Variants in CYP24A1 observed in about 807,000 individuals in gnomAD.
CYP24A1 encodes the protein 1,25-dihydroxyvitamin D(3) 24-hydroxylase, mitochondrial.
CYP24A1 carries 68 observed loss-of-function variants against 62.4 expected under a neutral mutation model. That is an observed-to-expected ratio of 1.09 (90% confidence interval 0.90 to 1.33). CYP24A1 has a LOEUF of 1.33. Among genes scored for constraint, CYP24A1 ranks in the 40% most tolerant of loss-of-function variants. CYP24A1 has a pLI of 0.00. For synonymous variants in CYP24A1, 267 were observed against 253.0 expected (o/e 1.06, Z -0.52); for missense variants, 787 against 653.0 (o/e 1.21, Z -2.24).
In CYP24A1 at chr20:54,159,932, G is replaced by T. The variant is rs186362554; in HGVS notation, c.991-809C>A. ...CAAAATAAACATTTAATTAAAAGTT[G>T]CTTGATATAAAAAACATTCATATAA... is the stretch of plus-strand genomic sequence containing the variant. On this transcript the variant is annotated intron_variant, in intron 7 of 11. Coordinates refer to ENST00000216862, the MANE Select transcript of CYP24A1 (RefSeq NM_000782.5). Among the ~76,000 whole-genome samples the T allele has an allele frequency of 2.0e-3, 304 of 152,286 alleles. 1 individual carries two copies. Among genetic ancestry groups the T allele is most frequent in the Non-Finnish European group, 3.4e-3 (228 of 68,024 alleles).
At chr20:54,162,907 G>A in intron 6 of CYP24A1, 45 bp from the exon 7 acceptor site, 2 of 1,239,736 alleles carry the variant, frequency 1.6e-6, no homozygotes, top group Admixed American at 1.7e-5. Context: ...TGAAAATTGG[G>A]ATGAGGAAAA....
chr20:54,161,994 C>T (rs1157080551), intron 7 of CYP24A1, among the ~76,000 whole-genome samples: 7 of 152,180 alleles, frequency 4.6e-5, no homozygotes, highest in Admixed American at 3.9e-4. Context: ...GAACTAGTAT[C>T]CAAGTCAATT....
At chr20:54,169,524 A>C in intron 4 of CYP24A1, 68 bp downstream of exon 4, 1 of 1,611,078 alleles carries the variant, frequency 6.2e-7, no homozygotes, top group Non-Finnish European at 8.5e-7. Flanking sequence ...AAGAGTTGTC[A>C]AAAGAGCCAT....
intron 2 of CYP24A1, chr20:54,171,996 G>A (rs969854491): frequency 2.8e-5 from 11 of 397,114 alleles, no homozygotes; most frequent in Non-Finnish European, 3.8e-5. Flanking sequence ...AATTCCTAGC[G>A]GTAAAAGGGG....
At chr20:54,158,008 C>T in intron 9 of CYP24A1, 78 bp downstream of exon 9, 2 of 1,592,814 alleles carry the variant, frequency 1.3e-6, no homozygotes, top group Non-Finnish European at 1.7e-6. Context: ...AGTACAAAGT[C>T]TAGGGAGATC....
At chr20:54,172,231 G>A (rs1369663125) in intron 2 of CYP24A1, among the ~76,000 whole-genome samples, 1 of 152,310 alleles carries the variant, frequency 6.6e-6, no homozygotes, top group African/African-American at 2.4e-5. Flanking sequence ...CATACAGCCT[G>A]TGAAGCACCG....
downstream of CYP24A1, among the ~76,000 whole-genome samples, chr20:54,149,691 A>G (rs1328941924): frequency 6.6e-6 from 1 of 152,174 alleles, no homozygotes; most frequent in African/African-American, 2.4e-5. Flanking sequence ...GTTGCATTAT[A>G]TGCACACTTA....
the CYP24A1 span, among the ~76,000 whole-genome samples, chr20:54,148,361 G>GACACGCAGAC: frequency 2.9e-5 from 2 of 70,114 alleles, no homozygotes; most frequent in Admixed American, 1.7e-4. Flanking sequence ...TACATACACA[G>GACACGCAGAC]ACACACAGAC....
In CYP24A1 at chr20:54,173,517, CG is replaced by C. The variant is rs774432244; in HGVS notation, c.62del (p.Pro21ArgfsTer8). On this transcript the variant is annotated frameshift_variant, in exon 1 of 12. Transcript: ENST00000216862. LOFTEE classifies it high-confidence loss of function. This position sits in a 1 kb window ranked among gnomAD's most constrained non-coding sequence, Gnocchi z 7.2. ...LAAFLQQLRSPRQPPRLVTST... is the reference protein window; with the variant it reads ...LAAFLQQLRSXRQPPRLVTST... ...ATGTCACCAGTCTCGGGGGCTGCCT[CG>C]GACTGCGCAGCTGCTGCAGGAAGGC... 146 of 1,571,168 alleles carry C rather than the reference CG, an allele frequency of 9.3e-5. No homozygotes were observed. The highest frequency in any genetic ancestry group is 1.2e-4 in the Non-Finnish European group (143 of 1,159,496).
At chr20:54,165,909 A>G in intron 4 of CYP24A1, 76 bp from the exon 5 acceptor site, 2 of 870,584 alleles carry the variant, frequency 2.3e-6, no homozygotes, top group South Asian at 2.6e-5. Flanking sequence ...TGGTTATTAA[A>G]GACTCAATTC....
intron 4 of CYP24A1, among the ~76,000 whole-genome samples, chr20:54,168,061 G>T (rs1263572093): frequency 1.3e-5 from 2 of 152,132 alleles, no homozygotes; most frequent in Non-Finnish European, 2.9e-5. Flanking sequence ...CACTTCTTCT[G>T]CAGGGACACT....
chr20:54,166,466 A>T (rs1252057106), intron 4 of CYP24A1, among the ~76,000 whole-genome samples: 1 of 152,144 alleles, frequency 6.6e-6, no homozygotes, highest in African/African-American at 2.4e-5. Flanking sequence ...TCTTGCTGCC[A>T]TTTCTTTCTC....
Position 54,173,306 on chromosome 20 carries a change from G to A in CYP24A1, c.258+16C>T, listed in dbSNP as rs1419381567. 1.0e-5 allele frequency: 16 copies of A among 1,602,020 alleles called. No homozygotes were observed. The highest frequency in any genetic ancestry group is 1.4e-5 in the Non-Finnish European group (16 of 1,171,006). ...GAAGAGGGAGGAGAGAGTCAGGGGCGCGAAAAGGGGTTTACCAGGGTGTCG... is the reference window on the plus strand; with the variant it reads ...GAAGAGGGAGGAGAGAGTCAGGGGCACGAAAAGGGGTTTACCAGGGTGTCG... On this transcript the variant is annotated intron_variant, in intron 1 of 11. Transcript: ENST00000216862. The surrounding 1 kb of genome is among the most constrained non-coding windows in gnomAD (Gnocchi z 7.2).
In CYP24A1 at chr20:54,173,388, C is replaced by A; in HGVS notation, c.192G>T (p.Trp64Cys). ...TCTGCAGCAGGCTGCCCAGCAGTGG[C>A]CAGCTGGTGGGGCCCGGCAGGGCGG... ...NAAALPGPTS[W>C]PLLGSLLQIL... Residue 64 changes from tryptophan (W) to cysteine (C), a missense_variant, in exon 1 of 12, where the codon TGG (tryptophan) becomes TGT (cysteine). Coordinates refer to ENST00000216862, the MANE Select transcript of CYP24A1 (RefSeq NM_000782.5). This position sits in a 1 kb window ranked among gnomAD's most constrained non-coding sequence, Gnocchi z 7.2. The A allele has an allele frequency of 6.3e-7, 1 of 1,590,750 alleles. No individual in the cohort carries two copies. Among genetic ancestry groups the A allele is most frequent in the Non-Finnish European group, 8.6e-7 (1 of 1,165,992 alleles).
intron 8 of CYP24A1, among the ~76,000 whole-genome samples, 172 bp from the exon 9 acceptor site, chr20:54,158,336 C>G (rs573657200): frequency 1.3e-5 from 2 of 152,174 alleles, no homozygotes; most frequent in African/African-American, 4.8e-5. Context: ...ATAATTGTAT[C>G]TCTTGTTCCT....
the CYP24A1 span, among the ~76,000 whole-genome samples, chr20:54,146,301 G>C: frequency 1.3e-5 from 2 of 152,054 alleles, no homozygotes; most frequent in Non-Finnish European, 2.9e-5. Context: ...CCCTTTTCCG[G>C]CACCCTTGGC....
intron 4 of CYP24A1, among the ~76,000 whole-genome samples, chr20:54,167,215 C>T (rs1197123281): frequency 6.6e-6 from 1 of 152,232 alleles, no homozygotes; most frequent in Non-Finnish European, 1.5e-5. Context: ...CCAACTACCT[C>T]CATGTTTTCC....
In CYP24A1 at chr20:54,173,197, G is replaced by T. The variant is rs984028186; in HGVS notation, c.259-98C>A. 116 of 1,530,240 alleles carry T rather than the reference G, an allele frequency of 7.6e-5. No homozygotes were observed. Among genetic ancestry groups the T allele is most frequent in the African/African-American group, 4.4e-4 (32 of 73,438 alleles). 94.8% of individuals were successfully genotyped at this position (1,530,240 alleles called of 1,614,324 possible). On this transcript the variant is annotated intron_variant, in intron 1 of 11. Coordinates refer to ENST00000216862, the MANE Select transcript of CYP24A1 (RefSeq NM_000782.5). The surrounding 1 kb of genome is among the most constrained non-coding windows in gnomAD (Gnocchi z 7.2). ...GCCTCCTTCCTCCTAGGGGACCGGG[G>T]ACCCTCCCTGCCCAGACGCCGAAGC... is the stretch of plus-strand genomic sequence containing the variant.
intron 3 of CYP24A1, among the ~76,000 whole-genome samples, chr20:54,171,354 C>A (rs1252000398): frequency 6.6e-6 from 1 of 152,096 alleles, no homozygotes; most frequent in Non-Finnish European, 1.5e-5. Flanking sequence ...CTCTCCATTG[C>A]TCCCTCATTG....
Sources: gnomAD v4.1 joint callset for allele counts (sites outside exome capture counted in the v4.1 genomes callset) on GRCh38, gnomAD v4.1.1 for gene constraint, Gnocchi (gnomAD v3.1) non-coding constraint, MANE v1.5 for transcripts, NCBI Gene and HGNC (gene_info 2026-07-23, HGNC 2026-07-21) for gene names.